PDGFRL: variants seen among roughly 807,000 people sequenced by gnomAD.
The protein encoded by PDGFRL is platelet-derived growth factor receptor-like protein.
A neutral mutation model predicts 37.2 loss-of-function variants in PDGFRL; 46 were observed. The ratio of observed to expected loss-of-function variants is 1.24; its 90% CI spans 0.98 to 1.58. The LOEUF (loss-of-function observed/expected upper bound fraction) is 1.58. Among genes scored for constraint, PDGFRL ranks in the 40% most tolerant of loss-of-function variants. The pLI, the probability that PDGFRL is intolerant of heterozygous loss-of-function variation, is 0.00. For synonymous variants in PDGFRL, 251 were observed against 184.3 expected, an observed-to-expected ratio of 1.36 and a Z score of -2.93; for missense variants, 692 against 467.6, an observed-to-expected ratio of 1.48 and a Z score of -4.43.
At chr8:17,621,297 A>T in intron 3 of PDGFRL, 95 bp downstream of exon 3, 1 of 753,590 alleles carries the variant, frequency 1.3e-6, no homozygotes, top group Non-Finnish European at 2.1e-6. Context: ...GCAAATAATG[A>T]CAATCAGAGC....
intron 2 of PDGFRL, among the ~76,000 whole-genome samples, chr8:17,609,634 T>TGAAAAAAAA (rs1804362313): frequency 2.3e-5 from 1 of 43,502 alleles, no homozygotes; most frequent in Non-Finnish European, 4.0e-5. Flanking sequence ...TGAGACTCTG[T>TGAAAAAAAA]AAAAAAAAAA....
At chr8:17,641,900 C>CGCCCCCCCCCT (rs1423751750) in intron 5 of PDGFRL, among the ~76,000 whole-genome samples, 1 of 135,142 alleles carries the variant, frequency 7.4e-6, no homozygotes, top group Non-Finnish European at 1.6e-5. Context: ...TAGAGGTCCC[C>CGCCCCCCCCCT]GCCACATTGC....
At chr8:17,617,164 T>A (rs1267014087) in intron 2 of PDGFRL, among the ~76,000 whole-genome samples, 2 of 152,132 alleles carry the variant, frequency 1.3e-5, no homozygotes, top group African/African-American at 4.8e-5. Context: ...TTGAACACTT[T>A]CACTTTGAAA....
chr8:17,579,072 C>T (rs552077441), intron 1 of PDGFRL, among the ~76,000 whole-genome samples: 8 of 152,110 alleles, frequency 5.3e-5, no homozygotes, highest in Admixed American at 3.3e-4. Context: ...GTGGTGGGCA[C>T]GTGTAATCCC....
intron 2 of PDGFRL, among the ~76,000 whole-genome samples, chr8:17,604,257 A>G (rs1804226173): frequency 6.6e-6 from 1 of 152,212 alleles, no homozygotes; most frequent in African/African-American, 2.4e-5. Context: ...AGAGTTATAA[A>G]TCATGCTGCT....
chr8:17,628,893 A>C (rs2129803463), intron 4 of PDGFRL, 113 bp downstream of exon 4: 1 of 690,938 alleles, frequency 1.4e-6, no homozygotes, highest in Non-Finnish European at 2.5e-6. Context: ...CTTTTGTTTC[A>C]TTGTTGTTGG....
rs189157208 is a variant in PDGFRL, at chr8:17,634,343, G to A, written c.939+130G>A. On this transcript the variant is annotated intron_variant, in intron 5 of 5. Coordinates refer to ENST00000251630, the MANE Select transcript of PDGFRL (RefSeq NM_001372073.1). Reference sequence around the variant, plus strand: ...TTCAGAAGTGCAAGAAACATGTGGGGCTATGTTGGGGGCCAGGTATTGTTT... The same window carrying A: ...TTCAGAAGTGCAAGAAACATGTGGGACTATGTTGGGGGCCAGGTATTGTTT... 25 of 679,612 alleles carry A rather than the reference G, an allele frequency of 3.7e-5. 1 individual carries two copies. The highest frequency in any genetic ancestry group is 4.4e-4 in the Middle Eastern group (1 of 2,256). The allele number at this position is 679,612 out of a possible 1,614,324, so 42.1% of individuals were successfully genotyped here. A position where few individuals can be genotyped will look rare whatever the true frequency, so the allele number is the denominator to read the frequency against.
chr8:17,637,409 A>T (rs1384928180), intron 5 of PDGFRL, among the ~76,000 whole-genome samples: 1 of 151,954 alleles, frequency 6.6e-6, no homozygotes, highest in East Asian at 1.9e-4. Context: ...AAACCACCCC[A>T]GTATGAAACC....
intron 2 of PDGFRL, among the ~76,000 whole-genome samples, chr8:17,600,342 C>T (rs1804141495): frequency 6.6e-6 from 1 of 152,128 alleles, no homozygotes; most frequent in Admixed American, 6.6e-5. Flanking sequence ...CTTCTGGAGT[C>T]CTCTTCACCA....
chr8:17,621,888 G>T (rs901249643), intron 3 of PDGFRL, among the ~76,000 whole-genome samples: 1 of 152,108 alleles, frequency 6.6e-6, no homozygotes, highest in African/African-American at 2.4e-5. Flanking sequence ...GCCCAGGCTG[G>T]TCTCGAACTC....
At chr8:17,630,460 T>C (rs1337221845) in intron 4 of PDGFRL, among the ~76,000 whole-genome samples, 3 of 152,212 alleles carry the variant, frequency 2.0e-5, no homozygotes, top group Non-Finnish European at 4.4e-5. Flanking sequence ...CCCTTTGATA[T>C]CCAACAGGCT....
intron 1 of PDGFRL, among the ~76,000 whole-genome samples, chr8:17,579,122 G>A (rs1026869935): frequency 1.3e-5 from 2 of 151,940 alleles, no homozygotes; most frequent in Non-Finnish European, 1.5e-5. Context: ...GCTTGAACCT[G>A]GGAGGCAGAG....
chr8:17,595,582 C>T (rs1804035730), intron 2 of PDGFRL, among the ~76,000 whole-genome samples: 2 of 152,196 alleles, frequency 1.3e-5, no homozygotes, highest in Non-Finnish European at 2.9e-5. Flanking sequence ...AGAGCCAGGG[C>T]AGCCAGGGTC....
intron 3 of PDGFRL, among the ~76,000 whole-genome samples, chr8:17,628,205 A>G (rs1804775602): frequency 6.6e-6 from 1 of 151,316 alleles, no homozygotes; most frequent in South Asian, 2.1e-4. Flanking sequence ...CGTGTTAGCC[A>G]GGATGGTCTC....
At position 17,621,191 on chromosome 8, in the gene PDGFRL, T is replaced by A. The variant is rs200938699; in HGVS notation, c.494T>A (p.Ile165Asn). Residue 165 changes from isoleucine (I) to asparagine (N), a missense_variant, in exon 3 of 6, where the codon ATC becomes AAC. Physicochemically the swap from Ile to Asn is moderately radical, Grantham distance 149 (BLOSUM62 -3). Transcript: ENST00000251630. ...GAGGCCAAAACGGGCTCCACCTACA[T>A]CTTTTTTACAGGTAAAATACTTGGT... ...KDEAKTGSTY[I>N]FFTEKGELFV... 1.2e-6 allele frequency: 2 copies of A among 1,607,584 alleles called. No individual in the cohort carries two copies. Among genetic ancestry groups the A allele is most frequent in the Non-Finnish European group, 1.7e-6 (2 of 1,175,486 alleles).
intron 3 of PDGFRL, among the ~76,000 whole-genome samples, chr8:17,627,495 C>G (rs914140496): frequency 7.6e-5 from 11 of 145,066 alleles, no homozygotes; most frequent in African/African-American, 2.8e-4. Context: ...GAGACGCAAT[C>G]TTGCTCTGTT....
chr8:17,632,207 C>G (rs1804876212), intron 4 of PDGFRL, among the ~76,000 whole-genome samples: 1 of 152,178 alleles, frequency 6.6e-6, no homozygotes, highest in South Asian at 2.1e-4. Context: ...CTTTCAAATC[C>G]TACTGTTTCT....
chr8:17,614,772 GTCTC>G (rs1427874973), intron 2 of PDGFRL, among the ~76,000 whole-genome samples: 1 of 152,064 alleles, frequency 6.6e-6, no homozygotes, highest in Non-Finnish European at 1.5e-5. Context: ...AGAGATGGGG[GTCTC>G]TCTTTTTCCA....
intron 4 of PDGFRL, among the ~76,000 whole-genome samples, chr8:17,629,282 A>C (rs1007434503): frequency 6.6e-6 from 1 of 151,822 alleles, no homozygotes; most frequent in African/African-American, 2.4e-5. Context: ...TCTAGGATGG[A>C]TGTTCTCCTT....
Sources: gnomAD v4.1 joint callset for allele counts (sites outside exome capture counted in the v4.1 genomes callset) on GRCh38, gnomAD v4.1.1 for gene constraint, MANE v1.5 for transcripts, NCBI Gene and HGNC (gene_info 2026-07-23, HGNC 2026-07-21) for gene names.